CSMD3: variants seen among roughly 807,000 people sequenced by gnomAD.
CSMD3 encodes CUB and sushi domain-containing protein 3.
CSMD3 carries 177 observed loss-of-function variants against 435.2 expected under a neutral mutation model. The ratio of observed to expected loss-of-function variants is 0.41; its 90% CI spans 0.36 to 0.46. The LOEUF (loss-of-function observed/expected upper bound fraction) is 0.46, where lower values mean the gene tolerates loss of function less well. CSMD3 is among the 20% of genes least tolerant of loss of function. The pLI is 0.34. For synonymous variants in CSMD3, 1,656 were observed against 1,520.5 expected (o/e 1.09, Z -2.07); for missense variants, 4,265 against 4,504.6 (o/e 0.95, Z 1.52).
intron 25 of CSMD3, among the ~76,000 whole-genome samples, 164 bp downstream of exon 25, chr8:112,556,599 T>C (rs1232560247): frequency 6.6e-6 from 1 of 152,008 alleles, no homozygotes; most frequent in Non-Finnish European, 1.5e-5. Context: ...AAGGACCTTT[T>C]CATTTTCCAT....
At chr8:112,883,130 T>C (rs1219367393) in intron 10 of CSMD3, among the ~76,000 whole-genome samples, 1 of 151,946 alleles carries the variant, frequency 6.6e-6, no homozygotes, top group Non-Finnish European at 1.5e-5. Context: ...CTTAAAATGT[T>C]CACACATATC....
chr8:113,276,976 T>C (rs1019065014), intron 3 of CSMD3, among the ~76,000 whole-genome samples: 5 of 152,004 alleles, frequency 3.3e-5, no homozygotes, highest in African/African-American at 1.2e-4. Context: ...TTTTTTAGTA[T>C]GAGTTCATGA....
At chr8:112,723,498 T>C (rs2131979180) in intron 13 of CSMD3, among the ~76,000 whole-genome samples, 1 of 152,256 alleles carries the variant, frequency 6.6e-6, no homozygotes, top group South Asian at 2.1e-4. Flanking sequence ...ATTCTCAAAA[T>C]CAAATGTCAA....
intron 30 of CSMD3, among the ~76,000 whole-genome samples, chr8:112,494,556 T>C (rs1013600640): frequency 7.3e-6 from 1 of 136,378 alleles, no homozygotes; most frequent in South Asian, 2.3e-4. Context: ...TCTTTCTTTC[T>C]TTCTTTCTTT....
chr8:113,059,482 A>G (rs1162778388), intron 5 of CSMD3, among the ~76,000 whole-genome samples: 1 of 152,196 alleles, frequency 6.6e-6, no homozygotes, highest in African/African-American at 2.4e-5. Context: ...ATGCAGAACA[A>G]TAAATGCTGG....
At chr8:113,173,502 AG>A (rs746586692) in intron 4 of CSMD3, among the ~76,000 whole-genome samples, 17 of 151,900 alleles carry the variant, frequency 1.1e-4, no homozygotes, top group Non-Finnish European at 2.4e-4. Context: ...TTGTATTTTT[AG>A]TAAAGATGGG....
chr8:113,087,426 C>G (rs1267318443), intron 5 of CSMD3, among the ~76,000 whole-genome samples: 2 of 127,046 alleles, frequency 1.6e-5, no homozygotes, highest in Non-Finnish European at 3.5e-5. Flanking sequence ...AAGAACAAAG[C>G]TGGAGGCATC....
intron 31 of CSMD3, among the ~76,000 whole-genome samples, chr8:112,488,596 C>T (rs1309465477): frequency 6.6e-6 from 1 of 152,156 alleles, no homozygotes; most frequent in East Asian, 1.9e-4. Flanking sequence ...AGATTTTAGT[C>T]AGGATACCTA....
At chr8:112,401,798 G>A (rs548305753) in intron 35 of CSMD3, among the ~76,000 whole-genome samples, 1 of 152,090 alleles carries the variant, frequency 6.6e-6, no homozygotes, top group East Asian at 1.9e-4. Context: ...AAACATTCAA[G>A]GAATCCTAAA....
chr8:112,603,853 C>A (rs933497968), intron 22 of CSMD3, among the ~76,000 whole-genome samples: 6 of 151,980 alleles, frequency 3.9e-5, no homozygotes, highest in Non-Finnish European at 7.4e-5. Context: ...GTGTCAACTG[C>A]ATGATGAATG....
At chr8:112,793,159 T>C (rs928592960) in intron 13 of CSMD3, among the ~76,000 whole-genome samples, 2 of 147,562 alleles carry the variant, frequency 1.4e-5, no homozygotes, top group African/African-American at 4.9e-5. Context: ...ATTAAATTAA[T>C]ATATTAATTA....
At chr8:113,148,754 G>C (rs1349337824) in intron 4 of CSMD3, among the ~76,000 whole-genome samples, 1 of 151,586 alleles carries the variant, frequency 6.6e-6, no homozygotes, top group Admixed American at 6.6e-5. Context: ...CAAGAGTTTT[G>C]TTGGTTTCTT....
At chr8:112,963,753 C>A (rs911709382) in intron 7 of CSMD3, among the ~76,000 whole-genome samples, 4 of 151,768 alleles carry the variant, frequency 2.6e-5, no homozygotes, top group Non-Finnish European at 5.9e-5. Context: ...TAATAGAAAT[C>A]TGAGATGAGT....
intron 59 of CSMD3, among the ~76,000 whole-genome samples, chr8:112,274,851 G>A (rs549362694): frequency 8.5e-5 from 13 of 152,230 alleles, no homozygotes; most frequent in African/African-American, 2.4e-5. Flanking sequence ...TAGTAATGAC[G>A]TACATAAATA....
At chr8:113,327,437 GT>G (rs544773417) in intron 1 of CSMD3, among the ~76,000 whole-genome samples, 1 of 152,014 alleles carries the variant, frequency 6.6e-6, no homozygotes, top group East Asian at 1.9e-4. Flanking sequence ...TATAAGGGGT[GT>G]TTTTTTCAAG....
At chr8:112,227,474 T>C (rs1247810759) in intron 70 of CSMD3, among the ~76,000 whole-genome samples, 2 of 152,184 alleles carry the variant, frequency 1.3e-5, no homozygotes, top group African/African-American at 2.4e-5. Context: ...TTTGGAAATA[T>C]ACAGTAGTGA....
intron 40 of CSMD3, among the ~76,000 whole-genome samples, chr8:112,346,701 G>T (rs1361467810): frequency 4.2e-5 from 3 of 71,014 alleles, no homozygotes; most frequent in Admixed American, 1.7e-4. Flanking sequence ...TTTTTTTGGA[G>T]AAGGAGTCTC....
chr8:112,965,560 A>G (rs979394278), intron 7 of CSMD3, among the ~76,000 whole-genome samples: 3 of 151,978 alleles, frequency 2.0e-5, no homozygotes, highest in African/African-American at 7.2e-5. Flanking sequence ...TTTACATAGG[A>G]CTAACTCAAA....
chr8:113,097,937 T>C (rs185147618), intron 5 of CSMD3, among the ~76,000 whole-genome samples: 1 of 152,036 alleles, frequency 6.6e-6, no homozygotes, highest in South Asian at 2.1e-4. Context: ...ACCTCATTAA[T>C]ATGACTCTAA....
Sources: allele counts gnomAD v4.1 joint callset (sites outside exome capture counted in the v4.1 genomes callset), GRCh38; gene constraint gnomAD v4.1.1; transcripts MANE v1.5; gene names NCBI Gene and HGNC (gene_info 2026-07-23, HGNC 2026-07-21).